Variants in PCID2 observed in about 807,000 individuals in gnomAD.
PCID2 encodes the protein PCI domain containing 2, also known as PCI domain-containing protein 2.
PCID2 carries 41 observed loss-of-function variants against 61.3 expected under a neutral mutation model. That is an observed-to-expected ratio of 0.67 (90% CI 0.52 to 0.87). The LOEUF (loss-of-function observed/expected upper bound fraction) is 0.87, where lower values mean the gene tolerates loss of function less well. Among genes scored for constraint, PCID2 ranks in the 40% least tolerant of loss-of-function variants. The probability of loss-of-function intolerance (pLI) is 0.00; values close to 1 mark genes in which losing one functional copy is unlikely to be tolerated. For synonymous variants in PCID2, 187 were observed against 177.8 expected (o/e 1.05, Z -0.41); for missense variants, 392 against 493.4 (o/e 0.79, Z 1.95).
At chr13:113,169,589 G>A in the PCID2 span, among the ~76,000 whole-genome samples, 2 of 152,188 alleles carry the variant, frequency 1.3e-5, no homozygotes, top group East Asian at 3.9e-4. Flanking sequence ...TCATCCTTTG[G>A]CACATTGCTC....
At position 113,180,132 on chromosome 13, in the gene PCID2, CA is replaced by C. The variant is rs1360975181; in HGVS notation, c.860+25del. On this transcript the variant is annotated intron_variant, in intron 11 of 13. Coordinates refer to ENST00000337344, the MANE Select transcript of PCID2 (RefSeq NM_001127202.4). Reference sequence around the variant, plus strand: ...CATCAGGCTTGCATTTTTAAAACCCCAAACAGGAAGGATGGCATACTCTACC... The same window carrying C: ...CATCAGGCTTGCATTTTTAAAACCCCAACAGGAAGGATGGCATACTCTACC... The C allele has an allele frequency of 4.3e-6, 7 of 1,613,464 alleles. No homozygotes were observed. The South Asian group carries it at 7.7e-5, about 18-fold the overall frequency.
chr13:113,174,346 C>A (rs1777288855), downstream of PCID2, among the ~76,000 whole-genome samples: 1 of 152,138 alleles, frequency 6.6e-6, no homozygotes, highest in Admixed American at 6.5e-5. Context: ...TCAGAGAAAG[C>A]TACAGGCCCA....
rs1468122816 is a variant in PCID2, at chr13:113,208,666, C to G, written c.-32G>C. 6.3e-7 allele frequency: 1 copy of G among 1,597,426 alleles called. No individual in the cohort carries two copies. Among genetic ancestry groups the G allele is most frequent in the Non-Finnish European group, 8.5e-7 (1 of 1,172,968 alleles). On this transcript the variant is annotated 5_prime_UTR_variant, in exon 1 of 14. Coordinates refer to ENST00000337344, the MANE Select transcript of PCID2 (RefSeq NM_001127202.4). The stretch of plus-strand genomic sequence containing the variant: ...GCCGCCGAACGGAGAGCGCCACCCC[C>G]TACGCCTCAAGCGGGCCAGCTGGCG...
At chr13:113,200,120 T>A (rs1443898217) in intron 2 of PCID2, among the ~76,000 whole-genome samples, 1 of 152,130 alleles carries the variant, frequency 6.6e-6, no homozygotes, top group African/African-American at 2.4e-5. Flanking sequence ...TCTATGGGGC[T>A]TTGGGGACGC....
In PCID2 at chr13:113,179,850, G is replaced by A; in HGVS notation, c.986+67C>T. On this transcript the variant is annotated intron_variant, in intron 12 of 13. Coordinates refer to ENST00000337344, the MANE Select transcript of PCID2 (RefSeq NM_001127202.4). The surrounding 1 kb of genome is among the most constrained non-coding windows in gnomAD (Gnocchi z 4.3). The stretch of plus-strand genomic sequence containing the variant: ...TGGCCTTCTCTCTTAGACTGCAACA[G>A]CCCTGGATGTCTGACTGCTCTGCCG... 6.6e-7 allele frequency: 1 copy of A among 1,522,796 alleles called. No homozygotes were observed. The highest frequency in any genetic ancestry group is 9.0e-7 in the Non-Finnish European group (1 of 1,116,120). The allele number at this position is 1,522,796 out of a possible 1,614,324, so 94.3% of individuals were successfully genotyped here.
intron 8 of PCID2, 123 bp downstream of exon 8, chr13:113,185,362 G>C (rs1595176353): frequency 1.4e-6 from 1 of 716,130 alleles, no homozygotes; most frequent in East Asian, 2.5e-5. Context: ...ATTAGGACTA[G>C]GAATACGGTT....
At chr13:113,185,102 AT>A (rs1363909134) in intron 8 of PCID2, among the ~76,000 whole-genome samples, 6 of 152,236 alleles carry the variant, frequency 3.9e-5, no homozygotes, top group Non-Finnish European at 5.9e-5. Context: ...TTCTTTATCC[AT>A]CTATCCATCT....
At chr13:113,167,752 T>C in the PCID2 span, among the ~76,000 whole-genome samples, 1 of 152,222 alleles carries the variant, frequency 6.6e-6, no homozygotes, top group Non-Finnish European at 1.5e-5. Context: ...ACCTCTGCCT[T>C]TTAATTGGGG....
At chr13:113,194,864 A>T (rs2038892512) in intron 6 of PCID2, among the ~76,000 whole-genome samples, 1 of 152,210 alleles carries the variant, frequency 6.6e-6, no homozygotes, top group Non-Finnish European at 1.5e-5. Context: ...CTATATGAAC[A>T]GTGTGGAAAT....
At chr13:113,172,793 C>T (rs1179094546), downstream of PCID2, among the ~76,000 whole-genome samples, 2 of 152,236 alleles carry the variant, frequency 1.3e-5, no homozygotes, top group African/African-American at 4.8e-5. Context: ...CAGCTCTCTG[C>T]TCGTCCCACC....
intron 4 of PCID2, among the ~76,000 whole-genome samples, chr13:113,196,424 T>C (rs2039021799): frequency 6.6e-6 from 1 of 152,242 alleles, no homozygotes; most frequent in African/African-American, 2.4e-5. Flanking sequence ...GTATACTAAA[T>C]ACACTTATTT....
In PCID2 at chr13:113,198,704, C is replaced by CATAAATAAATAAATAA. The variant is rs530661772; in HGVS notation, c.127-456_127-441dup. Among the ~76,000 whole-genome samples the CATAAATAAATAAATAA allele has an allele frequency of 2.8e-3, 425 of 151,924 alleles. 2 individuals are homozygous for CATAAATAAATAAATAA. The highest frequency in any genetic ancestry group is 9.9e-3 in the African/African-American group (410 of 41,382). ...TGGGTGACAGAGGGAGACTCTGTCT[C>CATAAATAAATAAATAA]ATAAATAAATAAATAAATAAATGGT... On this transcript the variant is annotated intron_variant, in intron 2 of 13. Coordinates refer to ENST00000337344, the MANE Select transcript of PCID2 (RefSeq NM_001127202.4).
rs766511946 is a variant in PCID2, at chr13:113,179,100, G to A, written c.987-11C>T. On this transcript the variant is annotated splice_polypyrimidine_tract_variant and intron_variant, in intron 12 of 13. Transcript: ENST00000337344. This position sits in a 1 kb window ranked among gnomAD's most constrained non-coding sequence, Gnocchi z 4.3. The stretch of plus-strand genomic sequence containing the variant: ...TTCAGTAACAAATACCTGGAAGAGG[G>A]GAGGAGAAGGGCACTGTGGTTACCG... The A allele has an allele frequency of 2.5e-6, 4 of 1,611,830 alleles. 1 individual carries two copies. In the South Asian group the frequency reaches 4.4e-5, roughly 18 times the overall value.
rs573482660 is a variant in PCID2, at chr13:113,197,902, A to C, written c.200+289T>G. 2.6e-4 allele frequency among the ~76,000 whole-genome samples: 39 copies of C among 152,364 alleles called. No homozygotes were observed. In the South Asian group the frequency reaches 3.9e-3, roughly 15 times the overall value. On this transcript the variant is annotated intron_variant, in intron 3 of 13. Coordinates refer to ENST00000337344, the MANE Select transcript of PCID2 (RefSeq NM_001127202.4). ...CCCAGTAACGTAAAGAGCTTCAAAA[A>C]CAGACATATTTCCACGAAAAGGGTA...
rs573078728 is a variant in PCID2, at chr13:113,202,485, G to C, written c.37-1969C>G. Among the ~76,000 whole-genome samples the C allele has an allele frequency of 2.3e-4, 35 of 152,332 alleles. No individual in the cohort carries two copies. In the South Asian group the frequency reaches 6.6e-3, roughly 29 times the overall value. Reference sequence around the variant, plus strand: ...GACACAAACTAAATATCCATCCATAGAGACAGGCTGAATACTCTGTGAAAC... The same window carrying C: ...GACACAAACTAAATATCCATCCATACAGACAGGCTGAATACTCTGTGAAAC... On this transcript the variant is annotated intron_variant, in intron 1 of 13. Coordinates refer to ENST00000337344, the MANE Select transcript of PCID2 (RefSeq NM_001127202.4).
At chr13:113,173,004 A>C (rs573255208), downstream of PCID2, among the ~76,000 whole-genome samples, 5 of 152,262 alleles carry the variant, frequency 3.3e-5, no homozygotes, top group African/African-American at 9.6e-5. Flanking sequence ...TTGGGAGGTG[A>C]CTAGGCCATG....
chr13:113,171,458 A>C, the PCID2 span: 1 of 1,050,016 alleles, frequency 9.5e-7, no homozygotes, highest in Non-Finnish European at 1.4e-6. The surrounding 1 kb of genome is among the most constrained non-coding windows in gnomAD (Gnocchi z 5.1). Flanking sequence ...CAGTGTCCAC[A>C]CCACGGGGCG....
At chr13:113,197,313 C>A in intron 3 of PCID2, 70 bp from the exon 4 acceptor site, 1 of 1,039,996 alleles carries the variant, frequency 9.6e-7, no homozygotes, top group South Asian at 1.3e-5. Flanking sequence ...CCACACAGCT[C>A]ACTTCATTGC....
At chr13:113,204,253 G>A (rs901344635) in intron 1 of PCID2, among the ~76,000 whole-genome samples, 38 of 152,376 alleles carry the variant, frequency 2.5e-4, no homozygotes, top group Admixed American at 9.1e-4. Context: ...TCACACTTGA[G>A]CATGATGTTC....
Sources: allele counts gnomAD v4.1 joint callset (sites outside exome capture counted in the v4.1 genomes callset), GRCh38; gene constraint gnomAD v4.1.1; non-coding constraint Gnocchi (gnomAD v3.1); transcripts MANE v1.5; gene names NCBI Gene and HGNC (gene_info 2026-07-23, HGNC 2026-07-21).